KAZN: variants seen among roughly 807,000 people sequenced by gnomAD.
The protein encoded by KAZN is kazrin, periplakin interacting protein.
In KAZN, 40 loss-of-function variants were observed where a neutral mutation model predicts 87.4. The ratio of observed to expected loss-of-function variants is 0.46; its 90% confidence interval spans 0.36 to 0.60. The LOEUF is 0.60. Among genes scored for constraint, KAZN ranks in the 20% least tolerant of loss-of-function variants. The probability of loss-of-function intolerance (pLI) is 0.00; values close to 1 mark genes in which losing one functional copy is unlikely to be tolerated. For synonymous variants in KAZN, 466 were observed against 458.3 expected (o/e 1.02, Z -0.22); for missense variants, 898 against 1,073.9 (o/e 0.84, Z 2.29).
intron 2 of KAZN, among the ~76,000 whole-genome samples, chr1:14,326,616 ACT>A (rs2100855943): frequency 6.6e-6 from 1 of 151,526 alleles, no homozygotes; most frequent in South Asian, 2.1e-4. Context: ...GTCTCACACA[ACT>A]CTGCATCCTC....
At chr1:14,919,023 G>A (rs1028893908) in intron 1 of KAZN, among the ~76,000 whole-genome samples, 7 of 151,856 alleles carry the variant, frequency 4.6e-5, no homozygotes, top group Non-Finnish European at 7.4e-5. Flanking sequence ...CACTACCAGC[G>A]ACACACACAC....
chr1:14,432,626 C>G (rs1450943762), intron 2 of KAZN, among the ~76,000 whole-genome samples: 2 of 152,016 alleles, frequency 1.3e-5, no homozygotes, highest in African/African-American at 2.4e-5. Context: ...TGTAGGTATA[C>G]ATGTGCCATG....
chr1:14,584,528 A>G (rs1389331920), intron 2 of KAZN, among the ~76,000 whole-genome samples: 2 of 152,238 alleles, frequency 1.3e-5, no homozygotes, highest in African/African-American at 4.8e-5. Flanking sequence ...TATCTAAACC[A>G]GTGCTTGCCA....
chr1:14,454,045 C>G (rs1166712621), intron 2 of KAZN, among the ~76,000 whole-genome samples: 2 of 152,184 alleles, frequency 1.3e-5, no homozygotes, highest in Admixed American at 1.3e-4. Flanking sequence ...AGGCAATGAG[C>G]CTTTTCTTTC....
intron 1 of KAZN, among the ~76,000 whole-genome samples, chr1:14,826,589 C>T (rs566897623): frequency 1.5e-3 from 224 of 152,314 alleles, no homozygotes; most frequent in Non-Finnish European, 2.6e-3. Context: ...GCCTCGGTCC[C>T]GCGCTGGCCG....
intron 8 of KAZN, 140 bp downstream of exon 8, chr1:15,065,893 G>T: frequency 1.3e-6 from 2 of 1,494,458 alleles, no homozygotes; most frequent in South Asian, 1.4e-5. Context: ...TGCGTGGGGT[G>T]CGTGTGCACG....
At chr1:14,154,035 T>C (rs543712096) in intron 1 of KAZN, among the ~76,000 whole-genome samples, 1 of 152,340 alleles carries the variant, frequency 6.6e-6, no homozygotes, top group Non-Finnish European at 1.5e-5. Context: ...TCTACTTATG[T>C]GAAGAATGCC....
At chr1:14,012,058 G>T (rs780945222) in intron 1 of KAZN, among the ~76,000 whole-genome samples, 1 of 152,196 alleles carries the variant, frequency 6.6e-6, no homozygotes, top group Non-Finnish European at 1.5e-5. Flanking sequence ...TCACAGAGAA[G>T]AATTTCTCCA....
intron 1 of KAZN, among the ~76,000 whole-genome samples, chr1:14,883,157 TG>T (rs1301334200): frequency 1.3e-5 from 2 of 151,594 alleles, no homozygotes; most frequent in East Asian, 3.9e-4. Context: ...TAGCTGGGCG[TG>T]ATGGCACATG....
At chr1:14,055,090 G>T (rs985395291) in intron 1 of KAZN, among the ~76,000 whole-genome samples, 2 of 152,172 alleles carry the variant, frequency 1.3e-5, no homozygotes, top group Non-Finnish European at 2.9e-5. Flanking sequence ...CCCATGGAAG[G>T]GTGAGGAAGG....
chr1:14,417,505 G>A (rs1308710625), intron 2 of KAZN, among the ~76,000 whole-genome samples: 2 of 152,160 alleles, frequency 1.3e-5, no homozygotes, highest in Non-Finnish European at 2.9e-5. Flanking sequence ...CAGTGCCATG[G>A]AGTCAATGAA....
chr1:14,256,084 G>C (rs1316294929), intron 2 of KAZN, among the ~76,000 whole-genome samples: 1 of 152,148 alleles, frequency 6.6e-6, no homozygotes, highest in East Asian at 1.9e-4. Context: ...TTACTCTTTA[G>C]ATTTAGTTCC....
chr1:14,021,828 G>A (rs532504320), intron 1 of KAZN, among the ~76,000 whole-genome samples: 1 of 151,890 alleles, frequency 6.6e-6, no homozygotes, highest in Non-Finnish European at 1.5e-5. Flanking sequence ...AAGCCAATTT[G>A]TTCCAACAGC....
Position 14,862,721 on chromosome 1 carries a change from C to T in KAZN, c.227-97963C>T, listed in dbSNP as rs1160778797. Among the ~76,000 whole-genome samples the T allele has an allele frequency of 2.0e-5, 3 of 152,118 alleles. No individual in the cohort carries two copies. The East Asian group carries it at 5.8e-4, about 29-fold the overall frequency. ...GCACTGATAGTCATAGGAGCTGTCC[C>T]GTGCTATGTGCTCATAATACATTGA... On this transcript the variant is annotated intron_variant, in intron 1 of 14. Transcript: ENST00000376030.
At chr1:14,632,478 A>C (rs1316160680) in intron 1 of KAZN, among the ~76,000 whole-genome samples, 1 of 152,158 alleles carries the variant, frequency 6.6e-6, no homozygotes. Context: ...TGTGTTGAGA[A>C]GAGTAAGTGC....
At chr1:14,523,061 T>C (rs1036448713) in intron 2 of KAZN, among the ~76,000 whole-genome samples, 10 of 152,142 alleles carry the variant, frequency 6.6e-5, no homozygotes, top group African/African-American at 2.4e-4. Context: ...GAGACACTCA[T>C]CGTCCTAGTC....
intron 2 of KAZN, among the ~76,000 whole-genome samples, chr1:14,547,130 G>A (rs1239879825): frequency 6.6e-6 from 1 of 152,156 alleles, no homozygotes; most frequent in Non-Finnish European, 1.5e-5. Context: ...CTCTTCCCCT[G>A]TGAACCAAAA....
chr1:14,960,932 G>C, intron 2 of KAZN, 57 bp downstream of exon 2: 1 of 1,529,022 alleles, frequency 6.5e-7, no homozygotes, highest in African/African-American at 1.4e-5. Context: ...CAGGGATCTG[G>C]AGTCCTCCCC....
In KAZN at chr1:15,093,255, C is replaced by T. The variant is rs78952626; in HGVS notation, c.1223-925C>T. Reference sequence around the variant, plus strand: ...CAAATGCACGCACCCCGTAAGCAAGCGGGTCTGTGTGTGTTTGTAAGTGTG... The same window carrying T: ...CAAATGCACGCACCCCGTAAGCAAGTGGGTCTGTGTGTGTTTGTAAGTGTG... On this transcript the variant is annotated intron_variant, in intron 8 of 14. Transcript: ENST00000376030. 6.1e-3 allele frequency among the ~76,000 whole-genome samples: 934 copies of T among 152,036 alleles called. 9 individuals are homozygous for T. The highest frequency in any genetic ancestry group is 0.021 in the African/African-American group (878 of 41,482).
Sources: gnomAD v4.1 joint callset for allele counts (sites outside exome capture counted in the v4.1 genomes callset) on GRCh38, gnomAD v4.1.1 for gene constraint, MANE v1.5 for transcripts, NCBI Gene and HGNC (gene_info 2026-07-23, HGNC 2026-07-21) for gene names.